PCDHA3: variants seen among roughly 807,000 people sequenced by gnomAD.
PCDHA3 encodes the protein protocadherin alpha-3.
Under a neutral mutation model 62.2 loss-of-function variants are expected in PCDHA3, and 41 were observed. That is an observed-to-expected ratio of 0.66 (90% confidence interval 0.51 to 0.86). The LOEUF is 0.86. Among genes scored for constraint, PCDHA3 ranks in the 40% least tolerant of loss-of-function variants. PCDHA3 has a pLI of 0.00. For missense variants in PCDHA3, 1,304 were observed against 1,241.2 expected, an observed-to-expected ratio of 1.05 and a Z score of -0.76; for synonymous variants, 640 against 555.4, an observed-to-expected ratio of 1.15 and a Z score of -2.14.
chr5:140,873,518 A>G (rs2054336624), intron 1 of PCDHA3, among the ~76,000 whole-genome samples: 1 of 152,200 alleles, frequency 6.6e-6, no homozygotes, highest in Non-Finnish European at 1.5e-5. Context: ...CTTAATGCCA[A>G]GATTGCATTC....
chr5:140,818,379 G>A (rs1554127469), intron 1 of PCDHA3, among the ~76,000 whole-genome samples: 1 of 152,034 alleles, frequency 6.6e-6, no homozygotes, highest in East Asian at 1.9e-4. Flanking sequence ...CTTGAATCGT[G>A]GCATTTTTCC....
Position 141,011,514 on chromosome 5 carries a change from GT to G in PCDHA3, c.*1584del, listed in dbSNP as rs35545269. 2 of 153,738 alleles carry G rather than the reference GT, an allele frequency of 1.3e-5. No homozygotes were observed. The highest frequency in any genetic ancestry group is 1.9e-4 in the East Asian group (1 of 5,186). The allele number at this position is 153,738 out of a possible 1,614,324, so 9.5% of individuals were successfully genotyped here. ...TACACCTGTGAAAAAGTGGAGTAGTGTTTTTTTAACCATTGTTAATCAGCTT... is the reference window on the plus strand; with the variant it reads ...TACACCTGTGAAAAAGTGGAGTAGTGTTTTTTAACCATTGTTAATCAGCTT... On this transcript the variant is annotated 3_prime_UTR_variant, in exon 4 of 4. Coordinates refer to ENST00000522353, the MANE Select transcript of PCDHA3 (RefSeq NM_018906.3).
At chr5:140,803,687 T>C (rs1763263678) in intron 1 of PCDHA3, 96 bp downstream of exon 1, 1 of 1,565,258 alleles carries the variant, frequency 6.4e-7, no homozygotes, top group African/African-American at 1.4e-5. Context: ...TAAGTATGAA[T>C]TATGTGATTC....
chr5:140,869,137 C>G, intron 1 of PCDHA3: 3 of 1,613,116 alleles, frequency 1.9e-6, no homozygotes, highest in African/African-American at 1.3e-5. Context: ...ATTGGGCACC[C>G]CACGACTACA....
At chr5:140,842,245 G>A in intron 1 of PCDHA3, 1 of 1,611,970 alleles carries the variant, frequency 6.2e-7, no homozygotes. Context: ...GGGGTAATTT[G>A]GATTTTGAAC....
intron 1 of PCDHA3, chr5:140,881,383 G>C: frequency 1.0e-6 from 1 of 984,330 alleles, no homozygotes; most frequent in Non-Finnish European, 1.2e-6. Flanking sequence ...AGCCGGCGGC[G>C]GTAAGTTAAA....
intron 1 of PCDHA3, among the ~76,000 whole-genome samples, chr5:140,898,035 T>G (rs1227571900): frequency 5.9e-5 from 9 of 152,120 alleles, no homozygotes; most frequent in African/African-American, 2.2e-4. Context: ...TTGATGGGGT[T>G]GTTTGTTTTT....
intron 1 of PCDHA3, among the ~76,000 whole-genome samples, chr5:140,839,987 G>A (rs187099249): frequency 6.6e-6 from 1 of 152,212 alleles, no homozygotes; most frequent in African/African-American, 2.4e-5. Context: ...TTGGAAAGTG[G>A]TTAGCCTTAG....
chr5:140,947,100 T>C (rs782585215), intron 1 of PCDHA3, among the ~76,000 whole-genome samples: 16 of 151,438 alleles, frequency 1.1e-4, no homozygotes, highest in Non-Finnish European at 2.1e-4. Context: ...AGCCCATAAA[T>C]AGGTACGTGT....
At chr5:140,985,739 CTTT>C (rs11372071) in intron 3 of PCDHA3, among the ~76,000 whole-genome samples, 5 of 117,900 alleles carry the variant, frequency 4.2e-5, no homozygotes, top group Non-Finnish European at 1.7e-5. Context: ...TGATGAATTC[CTTT>C]TTTTTTTTTT....
At chr5:141,005,228 C>G (rs974482410) in intron 3 of PCDHA3, among the ~76,000 whole-genome samples, 11 of 152,182 alleles carry the variant, frequency 7.2e-5, no homozygotes, top group Admixed American at 2.0e-4. Flanking sequence ...TACTAAACAC[C>G]TGTTATGGGC....
intron 1 of PCDHA3, among the ~76,000 whole-genome samples, chr5:140,845,170 T>C (rs1779731590): frequency 6.7e-6 from 1 of 149,622 alleles, no homozygotes; most frequent in Non-Finnish European, 1.5e-5. Context: ...ATTGTTTTCA[T>C]TTTAGTCCTT....
At chr5:141,004,823 TTAGA>T (rs1175791432) in intron 3 of PCDHA3, among the ~76,000 whole-genome samples, 26 of 152,314 alleles carry the variant, frequency 1.7e-4, no homozygotes, top group African/African-American at 5.8e-4. Context: ...TTTGATTAAC[TTAGA>T]TAGATCAAAG....
chr5:141,011,221 A>G lies in PCDHA3; in HGVS notation c.*1284A>G, dbSNP rs1392607276. On this transcript the variant is annotated 3_prime_UTR_variant, in exon 4 of 4. Coordinates refer to ENST00000522353, the MANE Select transcript of PCDHA3 (RefSeq NM_018906.3). ...TCTCATACAGTGAGCAGATTTTTCA[A>G]TCTACTAATTCTGTGACTTGTCTTG... is the stretch of plus-strand genomic sequence containing the variant. The G allele has an allele frequency of 1.3e-5, 2 of 153,780 alleles. No individual in the cohort carries two copies. The highest frequency in any genetic ancestry group is 4.8e-5 in the African/African-American group (2 of 41,464). 9.5% of individuals were successfully genotyped at this position (153,780 alleles called of 1,614,324 possible).
chr5:140,872,560 A>G (rs944323027), intron 1 of PCDHA3, among the ~76,000 whole-genome samples: 1 of 152,156 alleles, frequency 6.6e-6, no homozygotes, highest in African/African-American at 2.4e-5. Context: ...CCAGGGGTTC[A>G]GGGCTGCAGT....
intron 1 of PCDHA3, among the ~76,000 whole-genome samples, chr5:140,878,601 T>A (rs1409343825): frequency 6.6e-6 from 1 of 152,224 alleles, no homozygotes; most frequent in African/African-American, 2.4e-5. Flanking sequence ...ACCAAGTGAA[T>A]CTTCTAATGT....
chr5:140,803,820 G>C, intron 1 of PCDHA3: 1 of 661,202 alleles, frequency 1.5e-6, no homozygotes, highest in Non-Finnish European at 2.5e-6. Flanking sequence ...TTTGTTATTA[G>C]GTGCAGTAGT....
intron 1 of PCDHA3, among the ~76,000 whole-genome samples, chr5:140,952,297 C>G (rs2094716383): frequency 6.7e-6 from 1 of 149,532 alleles, no homozygotes; most frequent in South Asian, 2.1e-4. Context: ...TTCTCACAGC[C>G]ATTTCACTCC....
At chr5:140,985,348 A>G (rs1197077354) in intron 3 of PCDHA3, among the ~76,000 whole-genome samples, 2 of 152,190 alleles carry the variant, frequency 1.3e-5, no homozygotes, top group Non-Finnish European at 2.9e-5. Context: ...AGGCCCAGAT[A>G]TAGACCCTCT....
Sources: allele counts gnomAD v4.1 joint callset (sites outside exome capture counted in the v4.1 genomes callset), GRCh38; gene constraint gnomAD v4.1.1; transcripts MANE v1.5; gene names NCBI Gene and HGNC (gene_info 2026-07-23, HGNC 2026-07-21).